SMYD3: variants seen among roughly 807,000 people sequenced by gnomAD.
SMYD3 encodes SET and MYND domain containing 3.
SMYD3 carries 36 observed loss-of-function variants against 57.7 expected under a neutral mutation model. The observed-to-expected ratio is 0.62, with a 90% CI of 0.48 to 0.82. The LOEUF is 0.82. Among genes scored for constraint, SMYD3 ranks in the 40% least tolerant of loss-of-function variants. SMYD3 has a pLI of 0.00. For synonymous variants in SMYD3, 211 were observed against 195.0 expected (o/e 1.08, Z -0.68); for missense variants, 515 against 538.8 (o/e 0.96, Z 0.44).
chr1:246,212,568 A>G (rs2063107081), intron 5 of SMYD3, among the ~76,000 whole-genome samples: 1 of 149,458 alleles, frequency 6.7e-6, no homozygotes, highest in South Asian at 2.2e-4. Flanking sequence ...TTGACTGTCT[A>G]CTGCATATTT....
chr1:246,265,499 A>T (rs12035348), intron 5 of SMYD3, among the ~76,000 whole-genome samples: 31,235 of 151,902 alleles, frequency 0.21, 3,970 homozygotes, highest in East Asian at 0.57. Flanking sequence ...TCATTTTGTG[A>T]AGTGTGAGCC....
At chr1:246,152,610 GACAA>G (rs945536045) in intron 5 of SMYD3, among the ~76,000 whole-genome samples, 2 of 152,314 alleles carry the variant, frequency 1.3e-5, no homozygotes, top group Middle Eastern at 3.4e-3. Context: ...CTAAAGAGCA[GACAA>G]ACAATTTCAT....
rs1222409280 is a variant in SMYD3, at chr1:246,202,499, C to T, written c.531+124702G>A. On this transcript the variant is annotated intron_variant, in intron 5 of 11. Transcript: ENST00000490107. The surrounding 1 kb of genome is among the most constrained non-coding windows in gnomAD (Gnocchi z 4.1). ...AAGAATTCAGCTGGAACCGAGTCAACTCCTTCCCCCTTTCCTCAGAGGCTT... is the reference window on the plus strand; with the variant it reads ...AAGAATTCAGCTGGAACCGAGTCAATTCCTTCCCCCTTTCCTCAGAGGCTT... Among the ~76,000 whole-genome samples the T allele has an allele frequency of 6.6e-6, 1 of 152,186 alleles. No individual in the cohort carries two copies. The highest frequency in any genetic ancestry group is 2.4e-5 in the African/African-American group (1 of 41,454).
At chr1:246,084,632 A>C (rs2060694657) in intron 5 of SMYD3, among the ~76,000 whole-genome samples, 1 of 152,200 alleles carries the variant, frequency 6.6e-6, no homozygotes, top group Non-Finnish European at 1.5e-5. Context: ...CAGGCAAATA[A>C]ATTTATGACA....
intron 10 of SMYD3, among the ~76,000 whole-genome samples, chr1:245,788,302 G>A (rs113272631): frequency 7.9e-5 from 12 of 152,136 alleles, no homozygotes; most frequent in African/African-American, 2.4e-4. Context: ...GGAACAGGGC[G>A]AGGAGAATGG....
At chr1:245,818,591 C>G (rs2048983645) in intron 10 of SMYD3, among the ~76,000 whole-genome samples, 1 of 151,860 alleles carries the variant, frequency 6.6e-6, no homozygotes, top group Non-Finnish European at 1.5e-5. Flanking sequence ...TTAAAAGACA[C>G]AGACTGGCAA....
chr1:245,793,125 C>T (rs58127975), intron 10 of SMYD3, among the ~76,000 whole-genome samples: 4,977 of 145,102 alleles, frequency 0.034, 281 homozygotes, highest in African/African-American at 0.12. Flanking sequence ...CTGGCTAACA[C>T]GGTGAAACCC....
At chr1:246,309,128 GA>G (rs1344973870) in intron 5 of SMYD3, among the ~76,000 whole-genome samples, 3 of 151,502 alleles carry the variant, frequency 2.0e-5, no homozygotes, top group African/African-American at 4.9e-5. Flanking sequence ...TTTTAATTGT[GA>G]AAAAAAGTTT....
intron 10 of SMYD3, among the ~76,000 whole-genome samples, chr1:245,821,344 T>G (rs1572435015): frequency 6.7e-6 from 1 of 148,588 alleles, no homozygotes; most frequent in South Asian, 2.3e-4. Context: ...GCTAGCCATA[T>G]GTAGAAAGCT....
chr1:246,340,502 T>C (rs145454543), intron 2 of SMYD3, among the ~76,000 whole-genome samples: 28 of 152,082 alleles, frequency 1.8e-4, no homozygotes, highest in African/African-American at 6.5e-4. Context: ...CTCAAAGACA[T>C]GATAACAGAA....
intron 5 of SMYD3, among the ~76,000 whole-genome samples, chr1:246,284,773 T>C (rs560467413): frequency 8.5e-5 from 13 of 152,184 alleles, no homozygotes; most frequent in Non-Finnish European, 8.8e-5. Context: ...TCAAATGATT[T>C]TTCTCCTTAA....
intron 5 of SMYD3, among the ~76,000 whole-genome samples, chr1:246,244,436 T>G (rs2063669599): frequency 6.6e-6 from 1 of 152,160 alleles, no homozygotes; most frequent in South Asian, 2.1e-4. Context: ...CTTTGGATAA[T>G]ACCACTTTAT....
chr1:245,782,488 A>T (rs2046872579), intron 10 of SMYD3, among the ~76,000 whole-genome samples: 1 of 152,246 alleles, frequency 6.6e-6, no homozygotes, highest in Non-Finnish European at 1.5e-5. Context: ...ACCTGACGGC[A>T]TGGAAGTGGC....
chr1:246,041,580 C>T (rs921365082), intron 5 of SMYD3, among the ~76,000 whole-genome samples: 1 of 152,108 alleles, frequency 6.6e-6, no homozygotes, highest in African/African-American at 2.4e-5. Context: ...CGTATGCACA[C>T]GATAAGTCCA....
chr1:246,493,862 C>G (rs376662795), intron 1 of SMYD3, among the ~76,000 whole-genome samples: 8 of 125,788 alleles, frequency 6.4e-5, no homozygotes, highest in African/African-American at 2.0e-4. Context: ...TCCAATAGTT[C>G]TAGCTCAAAA....
chr1:246,215,742 G>A (rs1346933682), intron 5 of SMYD3, among the ~76,000 whole-genome samples: 11 of 152,058 alleles, frequency 7.2e-5, no homozygotes, highest in African/African-American at 2.4e-4. Context: ...CTTCTGTTAC[G>A]TAAAGCCAAT....
Position 246,203,197 on chromosome 1 carries a change from C to A in SMYD3, c.531+124004G>T, listed in dbSNP as rs2062947426. On this transcript the variant is annotated intron_variant, in intron 5 of 11. Coordinates refer to ENST00000490107, the MANE Select transcript of SMYD3 (RefSeq NM_001167740.2). The surrounding 1 kb of genome is among the most constrained non-coding windows in gnomAD (Gnocchi z 4.6). ...TCCAGTTTCCTTCCCTGGTCCACAG[C>A]AAATCCCTCTGACCCCAGGGCTTTG... 1.3e-5 allele frequency among the ~76,000 whole-genome samples: 2 copies of A among 152,198 alleles called. No individual in the cohort carries two copies. The highest frequency in any genetic ancestry group is 4.8e-5 in the African/African-American group (2 of 41,450).
chr1:246,472,491 C>A (rs1385647825), intron 1 of SMYD3, among the ~76,000 whole-genome samples: 1 of 152,098 alleles, frequency 6.6e-6, no homozygotes, highest in East Asian at 1.9e-4. Flanking sequence ...GACTGTAGCC[C>A]CAGCACTTTG....
At chr1:245,812,397 G>A (rs2048523351) in intron 10 of SMYD3, among the ~76,000 whole-genome samples, 2 of 152,096 alleles carry the variant, frequency 1.3e-5, no homozygotes, top group Admixed American at 6.6e-5. Context: ...CCTACTACCA[G>A]GCACCACCAC....
Sources: allele counts gnomAD v4.1 joint callset (sites outside exome capture counted in the v4.1 genomes callset), GRCh38; gene constraint gnomAD v4.1.1; non-coding constraint Gnocchi (gnomAD v3.1); transcripts MANE v1.5; gene names NCBI Gene and HGNC (gene_info 2026-07-23, HGNC 2026-07-21).